GRID1: variants seen among roughly 807,000 people sequenced by gnomAD.
GRID1 encodes the protein glutamate ionotropic receptor delta type subunit 1.
A neutral mutation model predicts 98.0 loss-of-function variants in GRID1; 28 were observed. The ratio of observed to expected loss-of-function variants is 0.29; its 90% CI spans 0.21 to 0.39. The LOEUF is 0.39. Ranked by LOEUF, GRID1 falls within the 10% of genes least tolerant of loss-of-function variation. The pLI, the probability that GRID1 is intolerant of heterozygous loss-of-function variation, is 1.00. For missense variants in GRID1, 1,111 were observed against 1,340.5 expected (o/e 0.83, Z 2.67); for synonymous variants, 553 against 538.5 (o/e 1.03, Z -0.37).
chr10:86,304,110 G>C (rs942783359), intron 2 of GRID1, among the ~76,000 whole-genome samples: 1 of 152,162 alleles, frequency 6.6e-6, no homozygotes, highest in Non-Finnish European at 1.5e-5. Flanking sequence ...GCATCAAGAG[G>C]GGCCCAAGGG....
At chr10:85,950,781 C>G (rs1842109827) in intron 4 of GRID1, among the ~76,000 whole-genome samples, 1 of 152,138 alleles carries the variant, frequency 6.6e-6, no homozygotes, top group African/African-American at 2.4e-5. Context: ...AGAACAAAGG[C>G]TACAGTCCTG....
intron 8 of GRID1, among the ~76,000 whole-genome samples, chr10:85,844,899 T>C (rs1590261493): frequency 6.6e-6 from 1 of 151,950 alleles, no homozygotes. Flanking sequence ...GTAACACTCA[T>C]TCTTGATAAC....
At chr10:85,884,383 T>A (rs2131805549) in intron 5 of GRID1, among the ~76,000 whole-genome samples, 1 of 152,286 alleles carries the variant, frequency 6.6e-6, no homozygotes, top group South Asian at 2.1e-4. Context: ...TAAACCTCAG[T>A]TATTATGCTA....
chr10:86,014,993 G>A (rs571659755), intron 4 of GRID1, among the ~76,000 whole-genome samples: 14 of 152,076 alleles, frequency 9.2e-5, no homozygotes, highest in African/African-American at 3.1e-4. Flanking sequence ...TAAAGTTTTC[G>A]CTCAAATGCC....
chr10:86,159,965 T>TTCA (rs1207261501), intron 3 of GRID1, among the ~76,000 whole-genome samples: 3 of 152,058 alleles, frequency 2.0e-5, no homozygotes, highest in Admixed American at 2.0e-4. Flanking sequence ...CACCATCACC[T>TTCA]TCATCATCAC....
intron 8 of GRID1, among the ~76,000 whole-genome samples, chr10:85,741,047 C>T (rs1161592727): frequency 6.6e-6 from 1 of 152,148 alleles, no homozygotes; most frequent in Non-Finnish European, 1.5e-5. Flanking sequence ...CCACTGCGCC[C>T]AGCCCACATA....
At chr10:86,020,233 C>T (rs1362781360) in intron 4 of GRID1, among the ~76,000 whole-genome samples, 1 of 152,230 alleles carries the variant, frequency 6.6e-6, no homozygotes, top group Non-Finnish European at 1.5e-5. Flanking sequence ...CTTTAGATAA[C>T]AGAGTGGGAC....
chr10:85,970,866 G>C (rs1842398971), intron 4 of GRID1, among the ~76,000 whole-genome samples: 1 of 152,010 alleles, frequency 6.6e-6, no homozygotes, highest in Non-Finnish European at 1.5e-5. Context: ...AAAACATCTA[G>C]AAGGAAATAG....
At chr10:85,689,113 C>T (rs1005885797) in intron 12 of GRID1, among the ~76,000 whole-genome samples, 5 of 152,180 alleles carry the variant, frequency 3.3e-5, no homozygotes, top group Admixed American at 6.5e-5. Context: ...CCGTCGAGCA[C>T]GCACAACTCT....
chr10:86,092,433 T>C (rs1352678597), intron 4 of GRID1, among the ~76,000 whole-genome samples: 2 of 152,068 alleles, frequency 1.3e-5, no homozygotes, highest in African/African-American at 4.8e-5. Flanking sequence ...AAGACAAAGA[T>C]AGAAGACTAA....
intron 15 of GRID1, among the ~76,000 whole-genome samples, chr10:85,612,186 G>T (rs956013088): frequency 1.3e-5 from 2 of 152,172 alleles, no homozygotes; most frequent in East Asian, 1.9e-4. Context: ...CCCCTGACCT[G>T]CCAGGAATGC....
intron 2 of GRID1, among the ~76,000 whole-genome samples, chr10:86,340,223 T>G: frequency 6.6e-6 from 1 of 151,198 alleles, no homozygotes; most frequent in African/African-American, 2.4e-5. Context: ...CAGCTGAGAG[T>G]GCGGGGATGA....
intron 4 of GRID1, among the ~76,000 whole-genome samples, chr10:85,982,193 CAAA>C (rs5786730): frequency 1.5e-5 from 2 of 129,940 alleles, no homozygotes; most frequent in Non-Finnish European, 3.4e-5. Context: ...GCTCTTGCCA[CAAA>C]AAAAAAAAAA....
At chr10:85,646,111 A>AGTGTGT (rs58539676) in intron 13 of GRID1, 1,588 of 148,428 alleles carry the variant, frequency 0.011, 20 homozygotes, top group African/African-American at 0.025. Flanking sequence ...CACAGGGATG[A>AGTGTGT]GTGTGTGTGT....
intron 4 of GRID1, among the ~76,000 whole-genome samples, chr10:85,947,394 A>G (rs921913662): frequency 1.2e-4 from 19 of 152,328 alleles, no homozygotes; most frequent in Middle Eastern, 6.8e-3. Context: ...TTTTCTTATT[A>G]TAATGGCCAT....
intron 2 of GRID1, among the ~76,000 whole-genome samples, chr10:86,248,885 G>A (rs192257058): frequency 6.6e-6 from 1 of 152,276 alleles, no homozygotes; most frequent in Admixed American, 6.5e-5. Flanking sequence ...TTACCTCTCA[G>A]TTGCTATCAA....
At chr10:85,905,025 G>A (rs1841440663) in intron 5 of GRID1, among the ~76,000 whole-genome samples, 1 of 151,840 alleles carries the variant, frequency 6.6e-6, no homozygotes, top group Non-Finnish European at 1.5e-5. Context: ...GCTCAACAAA[G>A]TGCAGGCACA....
At chr10:85,902,179 A>G (rs1242548421) in intron 5 of GRID1, among the ~76,000 whole-genome samples, 1 of 152,318 alleles carries the variant, frequency 6.6e-6, no homozygotes, top group East Asian at 1.9e-4. Flanking sequence ...GATGCCTGAA[A>G]CTGCAGATAG....
chr10:86,109,326 A>G (rs1844441652), intron 4 of GRID1, among the ~76,000 whole-genome samples: 1 of 152,208 alleles, frequency 6.6e-6, no homozygotes, highest in Non-Finnish European at 1.5e-5. Context: ...AGAAGATGAT[A>G]TGCTCCCGCC....
Sources: allele counts gnomAD v4.1 joint callset (sites outside exome capture counted in the v4.1 genomes callset), GRCh38; gene constraint gnomAD v4.1.1; transcripts MANE v1.5; gene names NCBI Gene and HGNC (gene_info 2026-07-23, HGNC 2026-07-21).